The following MX2 variants were observed in gnomAD, a reference collection of about 807,000 sequenced individuals.
MX2 encodes the protein interferon-induced GTP-binding protein Mx2.
A neutral mutation model predicts 74.0 loss-of-function variants in MX2; 51 were observed. The ratio of observed to expected loss-of-function variants is 0.69; its 90% confidence interval spans 0.55 to 0.87. The LOEUF (loss-of-function observed/expected upper bound fraction) is 0.87. MX2 is among the 40% of genes least tolerant of loss of function. The pLI, the probability that MX2 is intolerant of heterozygous loss-of-function variation, is 0.00. For missense variants in MX2, 832 were observed against 908.7 expected, an observed-to-expected ratio of 0.92 and a Z score of 1.09; for synonymous variants, 369 against 339.3, an observed-to-expected ratio of 1.09 and a Z score of -0.96.
rs150183047 is a variant in MX2 at position 41,394,148 on chromosome 21, A to G, written c.872-1439A>G. 1.7e-3 allele frequency among the ~76,000 whole-genome samples: 257 copies of G among 152,262 alleles called. 1 individual carries two copies. The highest frequency in any genetic ancestry group is 6.0e-3 in the African/African-American group (251 of 41,548). On this transcript the variant is annotated intron_variant, in intron 6 of 13. Transcript: ENST00000330714. ...CTCTCCACTGGCCTCCAGACATGTC[A>G]ATCGGGTCATGCCCCTCTCTGTTTA...
rs765318330 is a variant in MX2 at position 41,402,507 on chromosome 21, C to A, written c.1573+379C>A. 2.1e-5 allele frequency: 4 copies of A among 192,894 alleles called. No homozygotes were observed. Among genetic ancestry groups the A allele is most frequent in the Non-Finnish European group, 4.3e-5 (4 of 94,080 alleles). The allele number at this position is 192,894 out of a possible 1,614,324, so 11.9% of individuals were successfully genotyped here. On this transcript the variant is annotated intron_variant, in intron 11 of 13. Transcript: ENST00000330714. This position sits in a 1 kb window ranked among gnomAD's most constrained non-coding sequence, Gnocchi z 4.5. ...CTTCATCTGTATCACACGCAGCCAC[C>A]AACACAGCCGCGTAAGGCAGCGGTC...
intron 8 of MX2, among the ~76,000 whole-genome samples, chr21:41,398,537 C>T (rs984190091): frequency 6.6e-6 from 1 of 152,166 alleles, no homozygotes; most frequent in Non-Finnish European, 1.5e-5. Flanking sequence ...TTTAAATGTA[C>T]CCTTAGAGCA....
intron 1 of MX2, among the ~76,000 whole-genome samples, chr21:41,376,308 C>T (rs2065326): frequency 0.43 from 64,918 of 151,910 alleles, 16,626 homozygotes; most frequent in East Asian, 0.79. Flanking sequence ...CTGAGGCGGA[C>T]GGATTGCTTG....
At position 41,403,252 on chromosome 21, in the gene MX2, G is replaced by GTT. The variant is rs112479250; in HGVS notation, c.1574-15_1574-14insTT. ...ATGTTTTCTTCTTCTTCTCCTTTTT[G>GTT]CTTTTTTTGGTCAGAAATTATCCAG... On this transcript the variant is annotated splice_polypyrimidine_tract_variant and intron_variant, in intron 11 of 13. Coordinates refer to ENST00000330714, the MANE Select transcript of MX2 (RefSeq NM_002463.2). 1.5e-3 allele frequency: 2,381 copies of GTT among 1,551,556 alleles called. 11 individuals carry two copies. The highest frequency in any genetic ancestry group is 3.3e-3 in the South Asian group (296 of 89,094).
chr21:41,403,001 C>G, intron 11 of MX2: 1 of 401,698 alleles, frequency 2.5e-6, no homozygotes, highest in Non-Finnish European at 4.7e-6. Context: ...TTGGGGACCC[C>G]TGATGTAAGG....
intron 6 of MX2, among the ~76,000 whole-genome samples, chr21:41,394,983 G>GA (rs2089715285): frequency 7.7e-6 from 1 of 129,212 alleles, no homozygotes; most frequent in African/African-American, 4.1e-5. Flanking sequence ...AGCAAGGAAA[G>GA]AAGGAAGGAA....
intron 3 of MX2, 107 bp downstream of exon 3, chr21:41,378,088 AGCTGGGAAAGACAGGAC>A: frequency 7.4e-7 from 1 of 1,358,600 alleles, no homozygotes; most frequent in South Asian, 1.4e-5. Context: ...TGGGTGAGAG[AGCTGGGAAAGACAGGAC>A]GCTGGGAGAG....
At chr21:41,397,267 T>C (rs192148138) in intron 7 of MX2, among the ~76,000 whole-genome samples, 6 of 152,372 alleles carry the variant, frequency 3.9e-5, no homozygotes, top group Admixed American at 2.0e-4. Flanking sequence ...CTTAGATTGG[T>C]GCCTGGCACT....
Position 41,399,316 on chromosome 21 carries a change from C to A in MX2, c.1393C>A (p.Leu465Ile). Reference sequence around the variant, plus strand: ...GGATTTTAAAAACTGGGTAGGCATACTTGCAACTAATACCCAAAAAGGTAA... The same window carrying A: ...GGATTTTAAAAACTGGGTAGGCATAATTGCAACTAATACCCAAAAAGGTAA... ...REDFKNWVGI[L>I]ATNTQKVKNI... Residue 465 changes from leucine to isoleucine, a missense_variant, in exon 10 of 14, where the codon CTT (leucine) becomes ATT (isoleucine). Leu to Ile is a conservative substitution (Grantham distance 5). Transcript: ENST00000330714. 1 of 1,614,024 alleles carries A rather than the reference C, an allele frequency of 6.2e-7. No homozygotes were observed. Among genetic ancestry groups the A allele is most frequent in the Non-Finnish European group, 8.5e-7 (1 of 1,179,986 alleles).
At chr21:41,390,485 ATGCC>A in intron 5 of MX2, 76 bp from the exon 6 acceptor site, 5 of 1,586,680 alleles carry the variant, frequency 3.2e-6, no homozygotes, top group Admixed American at 1.7e-5. Context: ...TTGCGCCATC[ATGCC>A]TGCCTGCCTG....
At chr21:41,377,743 A>G in intron 2 of MX2, 46 bp from the exon 3 acceptor site, 1 of 1,556,548 alleles carries the variant, frequency 6.4e-7, no homozygotes, top group Non-Finnish European at 8.7e-7. Context: ...GACACCAGGG[A>G]CCCTATCAGG....
intron 8 of MX2, among the ~76,000 whole-genome samples, chr21:41,398,389 C>G (rs2089763438): frequency 1.3e-5 from 2 of 152,188 alleles, no homozygotes; most frequent in Non-Finnish European, 2.9e-5. Flanking sequence ...TATGGATTCT[C>G]AAAAGCAGAC....
Position 41,376,859 on chromosome 21 carries a change from G to A in MX2, c.-48G>A, listed in dbSNP as rs1195500122. The A allele has an allele frequency of 1.2e-6, 2 of 1,602,502 alleles. No individual in the cohort carries two copies. The highest frequency in any genetic ancestry group is 2.7e-5 in the African/African-American group (2 of 74,666). ...AGAGCTTGTCAGGAAGATCGGAGGTGCCAAGTAGCAGAGAAAGCATCCCCC... is the reference window on the plus strand; with the variant it reads ...AGAGCTTGTCAGGAAGATCGGAGGTACCAAGTAGCAGAGAAAGCATCCCCC... On this transcript the variant is annotated 5_prime_UTR_variant, in exon 2 of 14. Coordinates refer to ENST00000330714, the MANE Select transcript of MX2 (RefSeq NM_002463.2).
At chr21:41,373,532 C>T (rs972911988) in intron 1 of MX2, among the ~76,000 whole-genome samples, 1 of 152,160 alleles carries the variant, frequency 6.6e-6, no homozygotes, top group Admixed American at 6.5e-5. Context: ...TGTGGCTCCC[C>T]CTCCAGCTGC....
Position 41,399,297 on chromosome 21 carries a change from TA to T in MX2, c.1379del (p.Asn460ThrfsTer3). ...TATACAACAAAATCAGAGAGGATTT[TA>T]AAAACTGGGTAGGCATACTTGCAAC... ...RLYNKIREDF[K>X]NWVGILATNT... is the part of the protein sequence containing the mutation. On this transcript the variant is annotated frameshift_variant, in exon 10 of 14. Coordinates refer to ENST00000330714, the MANE Select transcript of MX2 (RefSeq NM_002463.2). LOFTEE classifies it high-confidence loss of function. 6.2e-7 allele frequency: 1 copy of T among 1,614,112 alleles called. No individual in the cohort carries two copies. The highest frequency in any genetic ancestry group is 1.1e-5 in the South Asian group (1 of 91,076).
chr21:41,400,434 G>T (rs2089796230), intron 10 of MX2, among the ~76,000 whole-genome samples: 1 of 152,112 alleles, frequency 6.6e-6, no homozygotes, highest in South Asian at 2.1e-4. Context: ...GAGCCTGCTG[G>T]CTTCACCTGG....
intron 5 of MX2, among the ~76,000 whole-genome samples, chr21:41,387,206 G>C (rs9305742): frequency 0.31 from 46,643 of 152,022 alleles, 12,330 homozygotes; most frequent in African/African-American, 0.71. Context: ...CTCCCCTCCC[G>C]GTCTTCCTGA....
chr21:41,362,491 G>A (rs140139103), intron 1 of MX2, among the ~76,000 whole-genome samples: 5 of 152,214 alleles, frequency 3.3e-5, no homozygotes, highest in East Asian at 1.9e-4. Flanking sequence ...CCTTAGTGAC[G>A]GTGATATGCT....
rs375581894 is a variant in MX2, at chr21:41,368,288, G to A, written c.-72+6233G>A. ...AGCCTGCAGGGGCACCCAGCCAGCC[G>A]ACAGGCTCCCGAGACAGTCCACTCA... On this transcript the variant is annotated intron_variant, in intron 1 of 13. Coordinates refer to ENST00000330714, the MANE Select transcript of MX2 (RefSeq NM_002463.2). This position sits in a 1 kb window ranked among gnomAD's most constrained non-coding sequence, Gnocchi z 4.6. Among the ~76,000 whole-genome samples the A allele has an allele frequency of 1.5e-3, 221 of 152,276 alleles. No homozygotes were observed. Among genetic ancestry groups the A allele is most frequent in the African/African-American group, 4.9e-3 (202 of 41,552 alleles).
Sources: gnomAD v4.1 joint callset for allele counts (sites outside exome capture counted in the v4.1 genomes callset) on GRCh38, gnomAD v4.1.1 for gene constraint, Gnocchi (gnomAD v3.1) non-coding constraint, MANE v1.5 for transcripts, NCBI Gene and HGNC (gene_info 2026-07-23, HGNC 2026-07-21) for gene names.